The following ACBD6 variants were observed in gnomAD, a reference collection of about 807,000 sequenced individuals.
ACBD6 encodes acyl-CoA binding domain containing 6, also known as acyl-CoA-binding domain-containing protein 6.
In ACBD6, 28 loss-of-function variants were observed where a neutral mutation model predicts 37.2. That is an observed-to-expected ratio of 0.75 (90% CI 0.56 to 1.03). ACBD6 has a LOEUF of 1.03. Ranked by LOEUF, ACBD6 falls within the 50% of genes least tolerant of loss-of-function variation. The probability of loss-of-function intolerance (pLI) is 0.00; values close to 1 mark genes in which losing one functional copy is unlikely to be tolerated. For missense variants in ACBD6, 340 were observed against 337.4 expected, an observed-to-expected ratio of 1.01 and a Z score of -0.06; for synonymous variants, 113 against 126.8, an observed-to-expected ratio of 0.89 and a Z score of 0.73.
intron 4 of ACBD6, among the ~76,000 whole-genome samples, chr1:180,414,343 T>C (rs573095601): frequency 2.0e-5 from 3 of 152,350 alleles, no homozygotes; most frequent in African/African-American, 4.8e-5. Flanking sequence ...ATCAAACTGA[T>C]GTGTTTTATA....
intron 6 of ACBD6, among the ~76,000 whole-genome samples, chr1:180,346,982 C>T (rs982240765): frequency 1.3e-5 from 2 of 152,088 alleles, no homozygotes; most frequent in African/African-American, 4.8e-5. Context: ...TGCCACTGCA[C>T]TCCACCCCGG....
At chr1:180,356,499 C>A (rs905970991) in intron 6 of ACBD6, among the ~76,000 whole-genome samples, 2 of 151,584 alleles carry the variant, frequency 1.3e-5, no homozygotes, top group Non-Finnish European at 2.9e-5. Flanking sequence ...AAATTAACAT[C>A]GTATATACAG....
chr1:180,297,226 A>G (rs890342712), intron 7 of ACBD6, among the ~76,000 whole-genome samples: 3 of 152,098 alleles, frequency 2.0e-5, no homozygotes, highest in Non-Finnish European at 2.9e-5. Context: ...TGTGCTGTGA[A>G]GTGTGCACAG....
At chr1:180,393,324 A>G (rs1654144391) in intron 6 of ACBD6, among the ~76,000 whole-genome samples, 2 of 152,198 alleles carry the variant, frequency 1.3e-5, no homozygotes, top group South Asian at 2.1e-4. Context: ...AAAAAAATGT[A>G]TGAGATAGAC....
chr1:180,331,773 T>C (rs6675201), intron 6 of ACBD6, among the ~76,000 whole-genome samples: 6,572 of 152,140 alleles, frequency 0.043, 454 homozygotes, highest in African/African-American at 0.14. Context: ...CCAAGGAAAA[T>C]TGTCCCAACC....
downstream of ACBD6, chr1:180,287,046 A>C (rs1649525076): frequency 6.6e-6 from 1 of 152,098 alleles, no homozygotes; most frequent in Non-Finnish European, 1.5e-5. Context: ...ATAATAGTAA[A>C]AGTCAGTGAA....
At chr1:180,330,929 C>T (rs546570157) in intron 6 of ACBD6, among the ~76,000 whole-genome samples, 11 of 152,250 alleles carry the variant, frequency 7.2e-5, no homozygotes, top group East Asian at 3.9e-4. Flanking sequence ...ATCAATTATT[C>T]GGAAATATTT....
intron 6 of ACBD6, among the ~76,000 whole-genome samples, chr1:180,393,311 TA>T (rs1201267526): frequency 4.0e-5 from 6 of 151,148 alleles, no homozygotes; most frequent in East Asian, 1.9e-4. Flanking sequence ...AGCCGCAGTA[TA>T]AAAAAAAATG....
chr1:180,368,748 T>TA (rs1653146760), intron 6 of ACBD6, among the ~76,000 whole-genome samples: 1 of 151,426 alleles, frequency 6.6e-6, no homozygotes, highest in Non-Finnish European at 1.5e-5. Context: ...AAATTATAAT[T>TA]AGGCACAGTA....
chr1:180,404,038 C>T (rs1279829783), intron 5 of ACBD6, among the ~76,000 whole-genome samples: 1 of 152,056 alleles, frequency 6.6e-6, no homozygotes, highest in South Asian at 2.1e-4. Context: ...GCAACCTCCA[C>T]CTCCTGGGTT....
chr1:180,464,632 T>A (rs1007924659), intron 3 of ACBD6, among the ~76,000 whole-genome samples: 8 of 152,136 alleles, frequency 5.3e-5, no homozygotes, highest in African/African-American at 1.9e-4. Flanking sequence ...ACAGATTAAA[T>A]GCTATTCCTA....
rs1654312324 is a variant in ACBD6 at position 180,397,596 on chromosome 1, G to C, written c.583C>G (p.Leu195Val). The change falls in exon 6 of 8, where the codon CTA (leucine) becomes GTA (valine). Residue 195 changes from leucine to valine, a missense_variant. By Grantham distance (32) the Leu-to-Val change is conservative. Transcript: ENST00000367595. ...VNVKDEEGRA[L>V]LHWACDRGHK... is the part of the protein sequence containing the mutation. ...CCTCGATCACAGGCCCAGTGAAGTA[G>C]AGCCCTACCCTAAAAACACAGAAGA... The C allele has an allele frequency of 6.2e-7, 1 of 1,613,498 alleles. No individual in the cohort carries two copies. The highest frequency in any genetic ancestry group is 8.5e-7 in the Non-Finnish European group (1 of 1,179,622).
At chr1:180,492,167 A>T (rs1651530684) in intron 3 of ACBD6, 102 bp downstream of exon 3, 2 of 836,278 alleles carry the variant, frequency 2.4e-6, no homozygotes, top group South Asian at 3.0e-5. Context: ...AGAAAGTAAA[A>T]CTTTAAGCAT....
At chr1:180,469,260 T>G (rs1394329095) in intron 3 of ACBD6, among the ~76,000 whole-genome samples, 1 of 152,216 alleles carries the variant, frequency 6.6e-6, no homozygotes, top group Non-Finnish European at 1.5e-5. Context: ...CCTTTTCATC[T>G]TTGCCATACT....
intron 6 of ACBD6, among the ~76,000 whole-genome samples, chr1:180,374,773 C>T (rs1571423690): frequency 1.3e-5 from 2 of 152,176 alleles, no homozygotes; most frequent in Admixed American, 6.5e-5. Context: ...AATGACTTAA[C>T]ATCATATAAA....
At chr1:180,384,111 G>C (rs1295387322) in intron 6 of ACBD6, among the ~76,000 whole-genome samples, 1 of 150,074 alleles carries the variant, frequency 6.7e-6, no homozygotes, top group Non-Finnish European at 1.5e-5. Flanking sequence ...TGGTTTTATG[G>C]CTAAGACTTT....
At chr1:180,457,979 AG>A (rs1287326484) in intron 3 of ACBD6, among the ~76,000 whole-genome samples, 1 of 151,956 alleles carries the variant, frequency 6.6e-6, no homozygotes, top group African/African-American at 2.4e-5. Flanking sequence ...TTTTTTTAGT[AG>A]AGACAGGATT....
At chr1:180,395,345 T>TA (rs1654219287) in intron 6 of ACBD6, among the ~76,000 whole-genome samples, 1 of 152,158 alleles carries the variant, frequency 6.6e-6, no homozygotes, top group Admixed American at 6.5e-5. Context: ...GGGTTGGTGA[T>TA]AAACATTTAT....
chr1:180,365,972 A>T (rs1653040886), intron 6 of ACBD6, among the ~76,000 whole-genome samples: 1 of 152,168 alleles, frequency 6.6e-6, no homozygotes, highest in Non-Finnish European at 1.5e-5. Context: ...TAACTAAGCA[A>T]ATTGCTTGGT....
Sources: gnomAD v4.1 joint callset for allele counts (sites outside exome capture counted in the v4.1 genomes callset) on GRCh38, gnomAD v4.1.1 for gene constraint, MANE v1.5 for transcripts, NCBI Gene and HGNC (gene_info 2026-07-23, HGNC 2026-07-21) for gene names.